PLD2: variants seen among roughly 807,000 people sequenced by gnomAD.
PLD2 encodes phospholipase D2.
Under a neutral mutation model 119.8 loss-of-function variants are expected in PLD2, and 101 were observed. The ratio of observed to expected loss-of-function variants is 0.84; its 90% CI spans 0.72 to 0.99. The LOEUF (loss-of-function observed/expected upper bound fraction) is 0.99, where lower values mean the gene tolerates loss of function less well. Ranked by LOEUF, PLD2 falls within the 50% of genes least tolerant of loss-of-function variation. The pLI, the probability that PLD2 is intolerant of heterozygous loss-of-function variation, is 0.00. For missense variants in PLD2, 1,164 were observed against 1,226.8 expected (o/e 0.95, Z 0.76); for synonymous variants, 494 against 482.8 (o/e 1.02, Z -0.30).
intron 10 of PLD2, chr17:4,814,174 A>G (rs923382235): frequency 4.5e-6 from 2 of 448,712 alleles, no homozygotes; most frequent in African/African-American, 2.1e-5. Flanking sequence ...TTCTTTATGT[A>G]TGATGTATTA....
intron 12 of PLD2, 47 bp downstream of exon 12, chr17:4,814,758 G>C: frequency 6.5e-7 from 1 of 1,537,922 alleles, no homozygotes. Flanking sequence ...GCCTGTGGGT[G>C]GAGGTTGATT....
chr17:4,818,899 G>C, intron 21 of PLD2, 76 bp downstream of exon 21: 2 of 1,523,544 alleles, frequency 1.3e-6, no homozygotes, highest in Non-Finnish European at 1.8e-6. Flanking sequence ...GCCTGGGGGT[G>C]GGGGAAGGAG....
chr17:4,821,994 A>G, intron 24 of PLD2, 87 bp downstream of exon 24: 1 of 823,586 alleles, frequency 1.2e-6, no homozygotes, highest in Non-Finnish European at 2.1e-6. Flanking sequence ...AAGCGCCACC[A>G]TACAGTCATT....
intron 16 of PLD2, 32 bp from the exon 17 acceptor site, chr17:4,817,114 C>T: frequency 3.8e-6 from 6 of 1,597,318 alleles, no homozygotes; most frequent in Non-Finnish European, 5.2e-6. Flanking sequence ...AGATTGGCAC[C>T]TCCTGCTGAC....
intron 23 of PLD2, 43 bp from the exon 24 acceptor site, chr17:4,821,749 TA>T: frequency 7.2e-7 from 1 of 1,395,458 alleles, no homozygotes; most frequent in Non-Finnish European, 1.0e-6. Context: ...TCAGGTTCTC[TA>T]AGGATCTTAA....
chr17:4,818,404 A>G lies in PLD2; in HGVS notation c.2009+19A>G. On this transcript the variant is annotated intron_variant, in intron 19 of 24. Transcript: ENST00000263088. ...CCCACAAGTAAGGTGGACTGTCAGG[A>G]AGGTGGGGACTGTGGGTGTGGTTTG... The G allele has an allele frequency of 6.2e-7, 1 of 1,613,176 alleles. No homozygotes were observed. The highest frequency in any genetic ancestry group is 8.5e-7 in the Non-Finnish European group (1 of 1,179,210).
At chr17:4,814,738 G>C (rs745981939) in intron 12 of PLD2, 27 bp downstream of exon 12, 6 of 1,602,540 alleles carry the variant, frequency 3.7e-6, no homozygotes, top group Non-Finnish European at 8.5e-7. Flanking sequence ...GGCCGCAGGG[G>C]GAGGGGGTTG....
At position 4,808,051 on chromosome 17, in the gene PLD2, C is replaced by G. The variant is rs952528617; in HGVS notation, c.177C>G (p.Phe59Leu). The change falls in exon 3 of 25, where the codon TTC (phenylalanine) becomes TTG (leucine). Residue 59 changes from phenylalanine (F) to leucine (L), a missense_variant. Coordinates refer to ENST00000263088, the MANE Select transcript of PLD2 (RefSeq NM_002663.5). The surrounding 1 kb of genome is among the most constrained non-coding windows in gnomAD (Gnocchi z 4.1). ...CTCTGAAAGTGCACCCCTTGGTGTT[C>G]GCACCTGGGGTCCCTGTCACAGCCC... is the stretch of plus-strand genomic sequence containing the variant. ...LQSLKVHPLV[F>L]APGVPVTAQV... 6.2e-6 allele frequency: 10 copies of G among 1,612,442 alleles called. No individual in the cohort carries two copies.
rs1470265076 is a variant in PLD2 at position 4,808,928 on chromosome 17, A to G, written c.384-172A>G. On this transcript the variant is annotated intron_variant, in intron 4 of 24. Transcript: ENST00000263088. This position sits in a 1 kb window ranked among gnomAD's most constrained non-coding sequence, Gnocchi z 4.1. Reference sequence around the variant, plus strand: ...AGGCTGGTCTTAAATTCCTGAGCTCAAGTGATCCACCTGCTGCGGCCTCCC... The same window carrying G: ...AGGCTGGTCTTAAATTCCTGAGCTCGAGTGATCCACCTGCTGCGGCCTCCC... Among the ~76,000 whole-genome samples the G allele has an allele frequency of 1.3e-5, 2 of 152,030 alleles. No homozygotes were observed. Among genetic ancestry groups the G allele is most frequent in the African/African-American group, 4.8e-5 (2 of 41,388 alleles).
intron 13 of PLD2, 39 bp from the exon 14 acceptor site, chr17:4,815,725 C>G: frequency 6.2e-7 from 1 of 1,608,918 alleles, no homozygotes; most frequent in Non-Finnish European, 8.5e-7. Context: ...TTTTCCTTCA[C>G]CTAAACCCAC....
In PLD2 at chr17:4,810,787, A is replaced by G. The variant is rs1343682461; in HGVS notation, c.861-15A>G. 1.9e-6 allele frequency: 3 copies of G among 1,602,164 alleles called. No homozygotes were observed. Among genetic ancestry groups the G allele is most frequent in the Admixed American group, 3.4e-5 (2 of 58,710 alleles). On this transcript the variant is annotated splice_polypyrimidine_tract_variant and intron_variant, in intron 9 of 24. Coordinates refer to ENST00000263088, the MANE Select transcript of PLD2 (RefSeq NM_002663.5). ...GAGGGCGAGGATTTATGGACATCTCATCGTTCCCATCCAGGTCCTTGATTC... is the reference window on the plus strand; with the variant it reads ...GAGGGCGAGGATTTATGGACATCTCGTCGTTCCCATCCAGGTCCTTGATTC...
chr17:4,822,322 CA>C (rs971552305), intron 24 of PLD2, among the ~76,000 whole-genome samples: 45 of 143,656 alleles, frequency 3.1e-4, no homozygotes, highest in Admixed American at 5.6e-4. Flanking sequence ...AACTCTGTCT[CA>C]AAAAAAAAAA....
chr17:4,815,339 G>T, intron 12 of PLD2, 137 bp from the exon 13 acceptor site: 1 of 689,280 alleles, frequency 1.5e-6, no homozygotes. Context: ...GTGGCAAGCA[G>T]CAAAGCAGGG....
chr17:4,809,017 C>A, intron 4 of PLD2, 83 bp from the exon 5 acceptor site: 1 of 1,097,732 alleles, frequency 9.1e-7, no homozygotes, highest in Non-Finnish European at 1.4e-6. Context: ...TTCTTTTCCT[C>A]CGAGCCCCAT....
intron 10 of PLD2, among the ~76,000 whole-genome samples, chr17:4,813,166 T>C (rs1384120759): frequency 6.6e-6 from 1 of 152,082 alleles, no homozygotes; most frequent in African/African-American, 2.4e-5. Context: ...TGCACCACTA[T>C]GCTCAGCTGA....
At chr17:4,816,319 G>T (rs549159531) in intron 14 of PLD2, among the ~76,000 whole-genome samples, 128 of 151,654 alleles carry the variant, frequency 8.4e-4, no homozygotes, top group African/African-American at 2.9e-3. Flanking sequence ...GGAGGCGGAG[G>T]TTGCAGTGAG....
intron 24 of PLD2, among the ~76,000 whole-genome samples, chr17:4,822,400 G>A (rs74610625): frequency 0.017 from 2,613 of 151,942 alleles, 45 homozygotes; most frequent in Non-Finnish European, 0.029. Flanking sequence ...GCAGAGGCAG[G>A]AGAATCACTT....
Position 4,809,283 on chromosome 17 carries a change from TC to T in PLD2, c.490-14del, listed in dbSNP as rs778587429. The T allele has an allele frequency of 2.6e-5, 42 of 1,610,594 alleles. No homozygotes were observed. Among genetic ancestry groups the T allele is most frequent in the Non-Finnish European group, 3.5e-5 (41 of 1,176,924 alleles). On this transcript the variant is annotated splice_polypyrimidine_tract_variant and intron_variant, in intron 5 of 24. Transcript: ENST00000263088. The stretch of plus-strand genomic sequence containing the variant: ...GGTCCCATCTGTCTCTCTCTCTCTC[TC>T]ATCTCCACTTCAGAAATACCTGGAG...
intron 14 of PLD2, 49 bp downstream of exon 14, chr17:4,815,983 A>C: frequency 2.4e-5 from 31 of 1,317,370 alleles, no homozygotes; most frequent in Non-Finnish European, 3.3e-5. Context: ...AGATAAGCTC[A>C]ATCAACACCA....
Sources: allele counts gnomAD v4.1 joint callset (sites outside exome capture counted in the v4.1 genomes callset), GRCh38; gene constraint gnomAD v4.1.1; non-coding constraint Gnocchi (gnomAD v3.1); transcripts MANE v1.5; gene names NCBI Gene and HGNC (gene_info 2026-07-23, HGNC 2026-07-21).